MDGA2: variants seen among roughly 807,000 people sequenced by gnomAD.
The protein encoded by MDGA2 is MAM domain-containing glycosylphosphatidylinositol anchor protein 2.
MDGA2 carries 40 observed loss-of-function variants against 117.8 expected under a neutral mutation model. The ratio of observed to expected loss-of-function variants is 0.34; its 90% CI spans 0.26 to 0.44. MDGA2 has a LOEUF of 0.44. Ranked by LOEUF, MDGA2 falls within the 20% of genes least tolerant of loss-of-function variation. The pLI, the probability that MDGA2 is intolerant of heterozygous loss-of-function variation, is 1.00. For missense variants in MDGA2, 1,123 were observed against 1,250.6 expected (o/e 0.90, Z 1.54); for synonymous variants, 452 against 439.0 (o/e 1.03, Z -0.37).
chr14:47,239,109 C>T lies in MDGA2; in HGVS notation c.421-20914G>A, dbSNP rs188685075. ...CTTCCACAAATTTGAGTGCTACTAT[C>T]GCCATCATAAAGTTGTATTGAGGGC... On this transcript the variant is annotated intron_variant, in intron 2 of 16. Transcript: ENST00000399232. Among the ~76,000 whole-genome samples the T allele has an allele frequency of 2.6e-5, 4 of 151,314 alleles. No homozygotes were observed. In the East Asian group the frequency reaches 7.7e-4, roughly 29 times the overall value.
intron 4 of MDGA2, 33 bp downstream of exon 4, chr14:47,144,045 A>G (rs1344171511): frequency 2.8e-6 from 4 of 1,444,254 alleles, no homozygotes; most frequent in South Asian, 1.3e-5. Context: ...ATCCTAGCAG[A>G]GTAGGGTGGA....
At chr14:47,246,306 C>T (rs8020887) in intron 2 of MDGA2, among the ~76,000 whole-genome samples, 105,058 of 151,416 alleles carry the variant, frequency 0.69, 37,937 homozygotes, top group African/African-American at 0.85. Context: ...TCAGTCCTTC[C>T]CCCGATCCTG....
chr14:47,403,101 C>T (rs978022857), intron 1 of MDGA2, among the ~76,000 whole-genome samples: 1 of 152,158 alleles, frequency 6.6e-6, no homozygotes, highest in Non-Finnish European at 1.5e-5. Context: ...TGCTGAGTGG[C>T]CTTCTTTTCC....
intron 2 of MDGA2, among the ~76,000 whole-genome samples, chr14:47,295,641 C>A (rs1156534342): frequency 6.6e-6 from 1 of 152,164 alleles, no homozygotes; most frequent in East Asian, 1.9e-4. Flanking sequence ...CAGTGGCTCA[C>A]AACTGTAATC....
rs531499852 is a variant in MDGA2 at position 47,411,222 on chromosome 14, C to CT, written c.281-109673dup. On this transcript the variant is annotated intron_variant, in intron 1 of 16. Coordinates refer to ENST00000399232, the MANE Select transcript of MDGA2 (RefSeq NM_001113498.3). ...TTATAATAGGAATACCATAAACGTC[C>CT]TTTTTTTTTCTATCCAGTGTGAAGG... 3.2e-3 allele frequency among the ~76,000 whole-genome samples: 481 copies of CT among 151,294 alleles called. 1 individual carries two copies. The highest frequency in any genetic ancestry group is 5.6e-3 in the Non-Finnish European group (378 of 67,760).
intron 1 of MDGA2, among the ~76,000 whole-genome samples, chr14:47,501,161 T>G (rs1894391232): frequency 6.6e-6 from 1 of 152,158 alleles, no homozygotes. Context: ...TTACTACCAG[T>G]TTACGGGTAA....
At chr14:47,250,137 C>T (rs1887396424) in intron 2 of MDGA2, among the ~76,000 whole-genome samples, 1 of 152,158 alleles carries the variant, frequency 6.6e-6, no homozygotes, top group South Asian at 2.1e-4. Context: ...GACACTGAGT[C>T]AATGTATTCC....
At chr14:47,056,417 G>A (rs1346332831) in intron 7 of MDGA2, among the ~76,000 whole-genome samples, 1 of 152,098 alleles carries the variant, frequency 6.6e-6, no homozygotes, top group Non-Finnish European at 1.5e-5. Context: ...AGGCACCTAT[G>A]CCTATGCTTC....
intron 2 of MDGA2, among the ~76,000 whole-genome samples, chr14:47,236,618 G>A (rs960929789): frequency 2.6e-5 from 4 of 152,180 alleles, no homozygotes; most frequent in African/African-American, 9.6e-5. Flanking sequence ...ATGAAGCAAT[G>A]ATAGCATCCC....
chr14:46,865,350 C>T (rs1207307963), intron 14 of MDGA2, among the ~76,000 whole-genome samples: 2 of 152,058 alleles, frequency 1.3e-5, no homozygotes, highest in African/African-American at 4.8e-5. Context: ...ACGCTTCATG[C>T]TAAAAACTCT....
At chr14:47,109,348 C>A (rs1211682518) in intron 5 of MDGA2, among the ~76,000 whole-genome samples, 2 of 152,148 alleles carry the variant, frequency 1.3e-5, no homozygotes, top group Middle Eastern at 3.2e-3. Context: ...AATAACAATT[C>A]TTCACCAAAA....
intron 12 of MDGA2, among the ~76,000 whole-genome samples, chr14:46,875,308 T>G (rs1385698796): frequency 6.6e-6 from 1 of 151,776 alleles, no homozygotes; most frequent in African/African-American, 2.4e-5. Flanking sequence ...CTGAATTAAT[T>G]GAAAATTTTT....
chr14:47,631,911 C>A (rs1390436606), intron 1 of MDGA2, among the ~76,000 whole-genome samples: 1 of 150,700 alleles, frequency 6.6e-6, no homozygotes, highest in Non-Finnish European at 1.5e-5. Context: ...TTCCTTAAAA[C>A]ATTACGAGAT....
At chr14:47,429,401 A>G (rs1892754666) in intron 1 of MDGA2, among the ~76,000 whole-genome samples, 1 of 152,252 alleles carries the variant, frequency 6.6e-6, no homozygotes, top group Non-Finnish European at 1.5e-5. Context: ...CTTAGCAAAT[A>G]TAACACAGGT....
At chr14:47,404,043 C>A (rs1892209786) in intron 1 of MDGA2, among the ~76,000 whole-genome samples, 1 of 152,092 alleles carries the variant, frequency 6.6e-6, no homozygotes, top group Admixed American at 6.6e-5. Flanking sequence ...TTTGGGTCTT[C>A]ATTTCTGAAG....
intron 6 of MDGA2, among the ~76,000 whole-genome samples, chr14:47,063,911 C>T (rs1445452835): frequency 6.6e-6 from 1 of 151,846 alleles, no homozygotes; most frequent in African/African-American, 2.4e-5. Context: ...TATTGTTTTC[C>T]ACTTCTGTGC....
chr14:47,669,241 T>C (rs1320069162), intron 1 of MDGA2, among the ~76,000 whole-genome samples: 1 of 152,114 alleles, frequency 6.6e-6, no homozygotes, highest in East Asian at 1.9e-4. Context: ...AATATAAGTA[T>C]AAAGAAGCAT....
At chr14:47,621,611 T>C (rs1032498465) in intron 1 of MDGA2, among the ~76,000 whole-genome samples, 1 of 152,202 alleles carries the variant, frequency 6.6e-6, no homozygotes, top group Admixed American at 6.5e-5. Flanking sequence ...GGAGTGGCCA[T>C]GTGATTTCCT....
intron 10 of MDGA2, among the ~76,000 whole-genome samples, chr14:46,913,414 T>G (rs1044444896): frequency 6.6e-6 from 1 of 152,134 alleles, no homozygotes; most frequent in Non-Finnish European, 1.5e-5. Context: ...AAACAGTTCT[T>G]GCAATAAAAT....
Sources: gnomAD v4.1 joint callset for allele counts (sites outside exome capture counted in the v4.1 genomes callset) on GRCh38, gnomAD v4.1.1 for gene constraint, MANE v1.5 for transcripts, NCBI Gene and HGNC (gene_info 2026-07-23, HGNC 2026-07-21) for gene names.